The following UBE2L3 variants were observed in gnomAD, a reference collection of about 807,000 sequenced individuals.
UBE2L3 encodes ubiquitin-conjugating enzyme E2 L3.
A neutral mutation model predicts 17.8 loss-of-function variants in UBE2L3; 1 was observed. The ratio of observed to expected loss-of-function variants is 0.06; its 90% CI spans 0.02 to 0.27. UBE2L3 has a LOEUF of 0.27. UBE2L3 is among the 10% of genes least tolerant of loss of function. The pLI is 1.00. For synonymous variants in UBE2L3, 44 were observed against 68.5 expected (o/e 0.64, Z 1.76); for missense variants, 40 against 192.6 (o/e 0.21, Z 4.69).
Position 21,562,268 on chromosome 22 carries a change from C to T in UBE2L3, c.201+12618C>T, listed in dbSNP as rs1450380786. ...GGAATGCAGTGGCGTGATCTCGGCT[C>T]ACTGCAAGCTCCACCTCCCGGGTTC... is the stretch of plus-strand genomic sequence containing the variant. On this transcript the variant is annotated intron_variant, in intron 1 of 3. Transcript: ENST00000458578. Among the ~76,000 whole-genome samples the T allele has an allele frequency of 6.0e-5, 9 of 151,104 alleles. No individual in the cohort carries two copies. The East Asian group carries it at 1.7e-3, about 29-fold the overall frequency.
intron 2 of UBE2L3, among the ~76,000 whole-genome samples, chr22:21,604,983 C>T (rs975541453): frequency 6.6e-6 from 1 of 152,156 alleles, no homozygotes; most frequent in African/African-American, 2.4e-5. Flanking sequence ...CAGGATCTCA[C>T]TGTCTTGTCC....
At chr22:21,568,750 C>T (rs1007091484) in intron 1 of UBE2L3, among the ~76,000 whole-genome samples, 2 of 152,000 alleles carry the variant, frequency 1.3e-5, no homozygotes, top group Non-Finnish European at 2.9e-5. Context: ...TAAAAAAAGG[C>T]CCAGGAGCCA....
At chr22:21,609,734 A>G (rs944017064) in intron 2 of UBE2L3, among the ~76,000 whole-genome samples, 7 of 151,284 alleles carry the variant, frequency 4.6e-5, no homozygotes, top group South Asian at 2.1e-4. Flanking sequence ...GTGGGGGAAA[A>G]ACAAGTAACG....
chr22:21,593,790 C>T (rs893515319), intron 2 of UBE2L3, among the ~76,000 whole-genome samples: 1 of 152,132 alleles, frequency 6.6e-6, no homozygotes, highest in Non-Finnish European at 1.5e-5. Context: ...GCTTTTGGAG[C>T]ACGGGCAGCA....
chr22:21,621,504 T>C lies in UBE2L3; in HGVS notation c.311-11T>C. 1 of 1,602,170 alleles carries C rather than the reference T, an allele frequency of 6.2e-7. No individual in the cohort carries two copies. Among genetic ancestry groups the C allele is most frequent in the Non-Finnish European group, 8.5e-7 (1 of 1,175,672 alleles). Reference sequence around the variant, plus strand: ...GTGTTAACCCCCCATGCCTTGTCCTTCTCTTGGCAGTAATCCAGTCCCTCA... The same window carrying C: ...GTGTTAACCCCCCATGCCTTGTCCTCCTCTTGGCAGTAATCCAGTCCCTCA... On this transcript the variant is annotated splice_polypyrimidine_tract_variant and intron_variant, in intron 3 of 3. Coordinates refer to ENST00000342192, the MANE Select transcript of UBE2L3 (RefSeq NM_003347.4).
chr22:21,620,565 G>A (rs563792749), intron 3 of UBE2L3, among the ~76,000 whole-genome samples: 1 of 152,296 alleles, frequency 6.6e-6, no homozygotes, highest in Admixed American at 6.5e-5. Flanking sequence ...GGAGGTGTGG[G>A]TAGCAGCTGC....
At chr22:21,573,344 A>G (rs931433096) in intron 1 of UBE2L3, among the ~76,000 whole-genome samples, 1 of 151,960 alleles carries the variant, frequency 6.6e-6, no homozygotes, top group African/African-American at 2.4e-5. Context: ...TAAAAACAGC[A>G]TGCTTTGCAC....
intron 3 of UBE2L3, among the ~76,000 whole-genome samples, chr22:21,617,175 AAAGG>A (rs1208645537): frequency 6.6e-6 from 1 of 151,860 alleles, no homozygotes; most frequent in Non-Finnish European, 1.5e-5. Flanking sequence ...AAAAGGAACA[AAAGG>A]AAGGAAATAT....
chr22:21,594,393 G>A (rs73400431), intron 2 of UBE2L3, among the ~76,000 whole-genome samples: 12,104 of 151,292 alleles, frequency 0.08, 1,668 homozygotes, highest in African/African-American at 0.28. Flanking sequence ...TGGTTATAAG[G>A]TGAGCATGGA....
chr22:21,613,713 A>C (rs1050591972), intron 3 of UBE2L3, among the ~76,000 whole-genome samples: 14 of 152,230 alleles, frequency 9.2e-5, no homozygotes, highest in Admixed American at 8.5e-4. Context: ...ATGGTTCTAC[A>C]GCTGACTGTT....
At chr22:21,610,775 A>G (rs1190299934) in intron 2 of UBE2L3, 82 bp from the exon 3 acceptor site, 3 of 1,375,378 alleles carry the variant, frequency 2.2e-6, no homozygotes, top group African/African-American at 3.0e-5. Context: ...TTGATTTTTC[A>G]GATAAACAAT....
intron 1 of UBE2L3, among the ~76,000 whole-genome samples, chr22:21,584,977 A>G (rs1435756065): frequency 2.0e-5 from 3 of 152,196 alleles, no homozygotes; most frequent in Admixed American, 6.5e-5. Flanking sequence ...ACAAAAAACA[A>G]CAAAATGTGG....
In UBE2L3 at chr22:21,623,800, G is replaced by A. The variant is rs566612876; in HGVS notation, c.*2131G>A. 2 of 152,794 alleles carry A rather than the reference G, an allele frequency of 1.3e-5. No individual in the cohort carries two copies. The highest frequency in any genetic ancestry group is 2.1e-4 in the South Asian group (1 of 4,826). 9.5% of individuals were successfully genotyped at this position (152,794 alleles called of 1,614,324 possible). On this transcript the variant is annotated 3_prime_UTR_variant, in exon 4 of 4. Coordinates refer to ENST00000342192, the MANE Select transcript of UBE2L3 (RefSeq NM_003347.4). ...CAGGGTAGGCTCTGAGCAAGCTGGC[G>A]AACAGCCCTGGCTGCTCCAAAACCA...
intron 1 of UBE2L3, among the ~76,000 whole-genome samples, chr22:21,590,677 T>A (rs1158971121): frequency 6.6e-6 from 1 of 152,242 alleles, no homozygotes; most frequent in African/African-American, 2.4e-5. Context: ...CTGTATTTGG[T>A]TTAAAACATT....
chr22:21,590,215 G>A (rs998315309), intron 1 of UBE2L3, among the ~76,000 whole-genome samples: 6 of 150,290 alleles, frequency 4.0e-5, no homozygotes, highest in African/African-American at 1.2e-4. Context: ...TTATTTTTTC[G>A]AGACAGAGTT....
chr22:21,563,322 C>T (rs142631781), upstream of UBE2L3, among the ~76,000 whole-genome samples: 548 of 148,728 alleles, frequency 3.7e-3, 3 homozygotes, highest in African/African-American at 0.013. Flanking sequence ...GAGGCCAAGT[C>T]GGGCAGATCA....
intron 2 of UBE2L3, among the ~76,000 whole-genome samples, chr22:21,609,079 A>G (rs1450856270): frequency 1.3e-5 from 2 of 151,482 alleles, no homozygotes; most frequent in African/African-American, 4.9e-5. Flanking sequence ...TTGTATTTTT[A>G]GTAGAGACGG....
intron 1 of UBE2L3, among the ~76,000 whole-genome samples, chr22:21,585,649 G>A (rs992172870): frequency 6.6e-6 from 1 of 152,224 alleles, no homozygotes; most frequent in Non-Finnish European, 1.5e-5. Context: ...TAGAGGAACA[G>A]GCATTTGAGA....
At chr22:21,619,849 G>T (rs761277426) in intron 3 of UBE2L3, among the ~76,000 whole-genome samples, 13 of 152,158 alleles carry the variant, frequency 8.5e-5, no homozygotes, top group Non-Finnish European at 1.6e-4. Flanking sequence ...GGGCCACCAT[G>T]CCTGGCTAAT....
Sources: allele counts gnomAD v4.1 joint callset (sites outside exome capture counted in the v4.1 genomes callset), GRCh38; gene constraint gnomAD v4.1.1; transcripts MANE v1.5; gene names NCBI Gene and HGNC (gene_info 2026-07-23, HGNC 2026-07-21).